Variants in XPO4 observed in about 807,000 individuals in gnomAD.
The protein encoded by XPO4 is exportin 4.
XPO4 carries 39 observed loss-of-function variants against 143.0 expected under a neutral mutation model. The ratio of observed to expected loss-of-function variants is 0.27; its 90% CI spans 0.21 to 0.36. XPO4 has a LOEUF of 0.36. XPO4 is among the 10% of genes least tolerant of loss of function. The pLI is 1.00. For missense variants in XPO4, 907 were observed against 1,348.0 expected (o/e 0.67, Z 5.12); for synonymous variants, 439 against 474.0 (o/e 0.93, Z 0.96).
intron 4 of XPO4, among the ~76,000 whole-genome samples, chr13:20,854,537 TTAAA>T (rs2138097896): frequency 6.6e-6 from 1 of 152,316 alleles, no homozygotes; most frequent in East Asian, 1.9e-4. Flanking sequence ...TTTAAAATGA[TTAAA>T]TAAATTGTAA....
intron 19 of XPO4, among the ~76,000 whole-genome samples, chr13:20,790,150 T>C (rs1263704783): frequency 1.3e-5 from 2 of 152,144 alleles, no homozygotes; most frequent in Admixed American, 1.3e-4. Context: ...TGACAAATTA[T>C]GAGGTAATCA....
intron 2 of XPO4, chr13:20,866,115 T>C: frequency 3.0e-6 from 3 of 984,238 alleles, no homozygotes; most frequent in Non-Finnish European, 3.6e-6. Context: ...CTCACTTGTT[T>C]TTTTAAAGGA....
chr13:20,813,214 C>T lies in XPO4; in HGVS notation c.1174-3247G>A, dbSNP rs1013165983. On this transcript the variant is annotated intron_variant, in intron 9 of 22. Transcript: ENST00000255305. Reference sequence around the variant, plus strand: ...CCCCACCAGGTCCCCGCCCCTGGCACGTGGGTATTACAAGATTACAATTCG... The same window carrying T: ...CCCCACCAGGTCCCCGCCCCTGGCATGTGGGTATTACAAGATTACAATTCG... Among the ~76,000 whole-genome samples the T allele has an allele frequency of 5.3e-5, 8 of 152,212 alleles. No homozygotes were observed. The South Asian group carries it at 1.5e-3, about 28-fold the overall frequency.
intron 6 of XPO4, among the ~76,000 whole-genome samples, chr13:20,830,104 G>A (rs2059834118): frequency 1.3e-5 from 2 of 152,044 alleles, no homozygotes; most frequent in African/African-American, 4.8e-5. Context: ...TAAAATCTTG[G>A]TTTAGCCTCT....
At chr13:20,788,013 A>G (rs1435217378) in intron 20 of XPO4, among the ~76,000 whole-genome samples, 2 of 151,996 alleles carry the variant, frequency 1.3e-5, no homozygotes, top group African/African-American at 2.4e-5. Context: ...CGAAAGAAAC[A>G]CAGAAATAGA....
chr13:20,893,389 A>T (rs1306658509), intron 1 of XPO4, among the ~76,000 whole-genome samples: 1 of 152,086 alleles, frequency 6.6e-6, no homozygotes, highest in Non-Finnish European at 1.5e-5. Context: ...CCCACTCACT[A>T]TACTGACCCT....
intron 4 of XPO4, among the ~76,000 whole-genome samples, chr13:20,854,310 T>A: frequency 6.6e-6 from 1 of 152,034 alleles, no homozygotes. Flanking sequence ...CATAGCTGTG[T>A]GCGGTGAAAA....
At chr13:20,838,009 G>GCTC (rs1428473302) in intron 6 of XPO4, among the ~76,000 whole-genome samples, 2 of 152,064 alleles carry the variant, frequency 1.3e-5, no homozygotes, top group African/African-American at 4.8e-5. Flanking sequence ...AAACTCCTGA[G>GCTC]CTCAAGCCAT....
chr13:20,878,989 C>T (rs551064417), intron 1 of XPO4: 1 of 637,070 alleles, frequency 1.6e-6, no homozygotes, highest in East Asian at 1.4e-4. Context: ...GACAAAATTT[C>T]TTAAAAATTT....
chr13:20,809,199 C>A lies in XPO4; in HGVS notation c.1377G>T (p.Glu459Asp). Residue 459 changes from glutamate (E) to aspartate (D), a missense_variant, in exon 11 of 23, where the codon GAG (glutamate) becomes GAT (aspartate). By Grantham distance (45) the Glu-to-Asp change is conservative (BLOSUM62 2). Coordinates refer to ENST00000255305, the MANE Select transcript of XPO4 (RefSeq NM_022459.5). ...NLTANGVASREEEEISELQED... is the reference protein window; with the variant it reads ...NLTANGVASRDEEEISELQED... Reference sequence around the variant, plus strand: ...CTTGAAGTTCACTTATTTCTTCCTCCTCACGAGAGGCCACACCATTGGCAG... The same window carrying A: ...CTTGAAGTTCACTTATTTCTTCCTCATCACGAGAGGCCACACCATTGGCAG... 5 of 1,614,000 alleles carry A rather than the reference C, an allele frequency of 3.1e-6. No homozygotes were observed. Among genetic ancestry groups the A allele is most frequent in the Non-Finnish European group, 4.2e-6 (5 of 1,179,960 alleles).
chr13:20,887,051 C>G (rs2060467583), intron 1 of XPO4, among the ~76,000 whole-genome samples: 1 of 151,658 alleles, frequency 6.6e-6, no homozygotes, highest in Admixed American at 6.6e-5. Flanking sequence ...GCCTGGGCAA[C>G]AAGAGCGAAA....
intron 9 of XPO4, among the ~76,000 whole-genome samples, chr13:20,819,688 C>T (rs1434241255): frequency 6.6e-6 from 1 of 152,088 alleles, no homozygotes; most frequent in Non-Finnish European, 1.5e-5. Flanking sequence ...TCTTTATATA[C>T]TTTTCCATCT....
rs372589538 is a variant in XPO4 at position 20,892,858 on chromosome 13, G to T, written c.69+9812C>A. ...ATGATCACACCACTGCATTCCAGCTGGGTTTTAGAGTAACTCCAAAAAGTA... is the reference window on the plus strand; with the variant it reads ...ATGATCACACCACTGCATTCCAGCTTGGTTTTAGAGTAACTCCAAAAAGTA... On this transcript the variant is annotated intron_variant, in intron 1 of 22. Coordinates refer to ENST00000255305, the MANE Select transcript of XPO4 (RefSeq NM_022459.5). Among the ~76,000 whole-genome samples the T allele has an allele frequency of 6.0e-5, 9 of 151,032 alleles. No homozygotes were observed. In the East Asian group the frequency reaches 1.7e-3, roughly 29 times the overall value.
At chr13:20,845,594 A>T (rs1164734069) in intron 4 of XPO4, among the ~76,000 whole-genome samples, 1 of 152,248 alleles carries the variant, frequency 6.6e-6, no homozygotes, top group Non-Finnish European at 1.5e-5. Context: ...CTGTCATTTT[A>T]CTGTTTAAAG....
intron 13 of XPO4, 121 bp from the exon 14 acceptor site, chr13:20,801,111 T>C: frequency 9.1e-7 from 1 of 1,096,986 alleles, no homozygotes; most frequent in Non-Finnish European, 1.3e-6. Flanking sequence ...CAGGCTATAC[T>C]TGAACATTTC....
intron 4 of XPO4, among the ~76,000 whole-genome samples, chr13:20,854,449 C>A (rs2060121750): frequency 1.3e-5 from 2 of 152,296 alleles, no homozygotes; most frequent in Admixed American, 1.3e-4. Flanking sequence ...GTTAAAATCA[C>A]ATCCATTAAC....
At chr13:20,786,938 TCC>T (rs1566553065) in intron 22 of XPO4, 25 bp downstream of exon 22, 2 of 1,526,768 alleles carry the variant, frequency 1.3e-6, no homozygotes, top group East Asian at 5.0e-5. Flanking sequence ...ATGAGAAGAG[TCC>T]CCTGAAAAGA....
chr13:20,883,461 T>A (rs932812546), intron 1 of XPO4, among the ~76,000 whole-genome samples: 2 of 152,162 alleles, frequency 1.3e-5, no homozygotes, highest in Non-Finnish European at 2.9e-5. Context: ...AAAAAAGATA[T>A]TTGTAAGGCA....
At chr13:20,893,020 A>G (rs994635262) in intron 1 of XPO4, among the ~76,000 whole-genome samples, 5 of 152,224 alleles carry the variant, frequency 3.3e-5, no homozygotes, top group Non-Finnish European at 4.4e-5. Flanking sequence ...ACAGGGAAGA[A>G]AAGCATTCCA....
Sources: allele counts gnomAD v4.1 joint callset (sites outside exome capture counted in the v4.1 genomes callset), GRCh38; gene constraint gnomAD v4.1.1; transcripts MANE v1.5; gene names NCBI Gene and HGNC (gene_info 2026-07-23, HGNC 2026-07-21).